The following ITGA6 variants were observed in gnomAD, a reference collection of about 807,000 sequenced individuals.
The protein encoded by ITGA6 is integrin subunit alpha 6.
Under a neutral mutation model 133.6 loss-of-function variants are expected in ITGA6, and 63 were observed. That is an observed-to-expected ratio of 0.47 (90% CI 0.38 to 0.58). The LOEUF (loss-of-function observed/expected upper bound fraction) is 0.58. ITGA6 is among the 20% of genes least tolerant of loss of function. ITGA6 has a pLI of 0.00. For synonymous variants in ITGA6, 434 were observed against 482.0 expected (o/e 0.90, Z 1.30); for missense variants, 1,068 against 1,309.4 (o/e 0.82, Z 2.85).
chr2:172,481,927 T>C (rs193300064), intron 11 of ITGA6, among the ~76,000 whole-genome samples: 16 of 152,318 alleles, frequency 1.1e-4, no homozygotes, highest in Non-Finnish European at 1.5e-5. Flanking sequence ...ACTTGGATAA[T>C]GGGCCCTTTG....
chr2:172,492,889 C>A (rs147655687), intron 23 of ITGA6, among the ~76,000 whole-genome samples: 2 of 152,118 alleles, frequency 1.3e-5, no homozygotes, highest in African/African-American at 4.8e-5. Flanking sequence ...GATTTATTAT[C>A]CAAGCAAGAA....
At chr2:172,489,353 A>AT in intron 19 of ITGA6, 132 bp from the exon 20 acceptor site, 1 of 739,540 alleles carries the variant, frequency 1.4e-6, no homozygotes, top group Non-Finnish European at 2.3e-6. Flanking sequence ...TCTATAGTCC[A>AT]TTTTTGGAGC....
At chr2:172,429,943 G>A (rs909044383) in intron 1 of ITGA6, among the ~76,000 whole-genome samples, 13 of 152,198 alleles carry the variant, frequency 8.5e-5, no homozygotes, top group African/African-American at 3.1e-4. Context: ...CAGGTCAGTT[G>A]TCAACCTTTG....
intron 1 of ITGA6, among the ~76,000 whole-genome samples, chr2:172,457,735 G>A (rs1164157412): frequency 6.6e-6 from 1 of 152,184 alleles, no homozygotes; most frequent in Admixed American, 6.5e-5. Context: ...AACAGCTGGG[G>A]AAAGGCATCC....
rs771508036 is a variant in ITGA6 at position 172,476,444 on chromosome 2, T to C, written c.1319T>C (p.Met440Thr). 4 of 1,613,140 alleles carry C rather than the reference T, an allele frequency of 2.5e-6. No homozygotes were observed. The highest frequency in any genetic ancestry group is 2.2e-5 in the South Asian group (2 of 91,068). The change falls in exon 9 of 26, where the codon ATG becomes ACG. Residue 440 changes from methionine (M) to threonine (T), a missense_variant. Transcript: ENST00000684293. ...TTTGGATATTCAATTGCTGGAAACATGGACCTTGATCGAAATTCCTACCCT... is the reference window on the plus strand; with the variant it reads ...TTTGGATATTCAATTGCTGGAAACACGGACCTTGATCGAAATTCCTACCCT... ...PYFGYSIAGN[M>T]DLDRNSYPDV...
chr2:172,456,579 A>C (rs1297374156), intron 1 of ITGA6, among the ~76,000 whole-genome samples: 3 of 152,174 alleles, frequency 2.0e-5, no homozygotes, highest in Non-Finnish European at 4.4e-5. Flanking sequence ...AGCCTAGCTA[A>C]GGCTAGAAGC....
intron 12 of ITGA6, 32 bp downstream of exon 12, chr2:172,484,974 T>G (rs778416134): frequency 3.9e-5 from 63 of 1,611,218 alleles, no homozygotes; most frequent in Admixed American, 5.0e-5. Context: ...ATCTGTTTTA[T>G]GAAGAGGACA....
At chr2:172,486,613 T>C (rs142844850) in intron 13 of ITGA6, among the ~76,000 whole-genome samples, 108 of 152,310 alleles carry the variant, frequency 7.1e-4, no homozygotes, top group African/African-American at 2.4e-3. Flanking sequence ...TCGAGTATTA[T>C]AATCGTTGGT....
intron 23 of ITGA6, among the ~76,000 whole-genome samples, chr2:172,493,550 G>A (rs1687008969): frequency 6.6e-6 from 1 of 151,974 alleles, no homozygotes; most frequent in Non-Finnish European, 1.5e-5. Context: ...AGAATGCCAA[G>A]GGTAAACATT....
At chr2:172,444,165 G>A (rs1684656377) in intron 1 of ITGA6, among the ~76,000 whole-genome samples, 1 of 152,178 alleles carries the variant, frequency 6.6e-6, no homozygotes, top group Non-Finnish European at 1.5e-5. Flanking sequence ...GCTAACGGGT[G>A]GTACTGCCAA....
intron 1 of ITGA6, among the ~76,000 whole-genome samples, chr2:172,439,885 T>G (rs1684471158): frequency 6.6e-6 from 1 of 152,200 alleles, no homozygotes; most frequent in Non-Finnish European, 1.5e-5. Flanking sequence ...GGAGTTAAAC[T>G]TGTGCCACAT....
rs766125663 is a variant in ITGA6, at chr2:172,475,045, G to A, written c.1103G>A (p.Arg368His). ...QGRWNNVKPIRLNGTKDSMFG... is the reference protein window; with the variant it reads ...QGRWNNVKPIHLNGTKDSMFG... ...AGATGGAATAATGTGAAGCCAATTCGTCTTAATGGAACCAAAGATTCTATG... is the reference window on the plus strand; with the variant it reads ...AGATGGAATAATGTGAAGCCAATTCATCTTAATGGAACCAAAGATTCTATG... The change falls in exon 7 of 26, where the codon CGT (arginine) becomes CAT (histidine). Residue 368 changes from arginine (R) to histidine (H), a missense_variant. By Grantham distance (29) the Arg-to-His change is conservative (BLOSUM62 0). Around this residue, in one of 3 missense-constraint regions of ITGA6, gnomAD observed 317 missense variants for 456.9 expected, o/e 0.69. Coordinates refer to ENST00000684293, the MANE Select transcript of ITGA6 (RefSeq NM_000210.4). The A allele has an allele frequency of 3.1e-5, 50 of 1,608,338 alleles. No individual in the cohort carries two copies. The highest frequency in any genetic ancestry group is 3.0e-5 in the Non-Finnish European group (35 of 1,174,714).
chr2:172,489,114 T>A (rs1213259822), intron 19 of ITGA6, among the ~76,000 whole-genome samples: 1 of 152,196 alleles, frequency 6.6e-6, no homozygotes, highest in Non-Finnish European at 1.5e-5. Flanking sequence ...GTTGGTACAC[T>A]GCCTTGGCCC....
At chr2:172,462,884 C>T (rs943833918) in intron 1 of ITGA6, among the ~76,000 whole-genome samples, 1 of 152,170 alleles carries the variant, frequency 6.6e-6, no homozygotes, top group East Asian at 1.9e-4. Flanking sequence ...CTTCTTGTCA[C>T]CCATTGTGTC....
At chr2:172,472,866 G>T in intron 5 of ITGA6, 1 of 1,606,364 alleles carries the variant, frequency 6.2e-7, no homozygotes, top group Non-Finnish European at 8.5e-7. Flanking sequence ...CACATTCCCT[G>T]ATGTGATGAT....
chr2:172,501,075 G>A (rs1168364882), intron 24 of ITGA6, among the ~76,000 whole-genome samples: 2 of 152,092 alleles, frequency 1.3e-5, no homozygotes, highest in East Asian at 3.9e-4. Flanking sequence ...CTCTATCACT[G>A]AACGAAGGAA....
At chr2:172,502,066 G>T (rs1687371919) in intron 25 of ITGA6, among the ~76,000 whole-genome samples, 165 bp downstream of exon 25, 1 of 152,064 alleles carries the variant, frequency 6.6e-6, no homozygotes, top group East Asian at 1.9e-4. Flanking sequence ...TCACTTGAAA[G>T]CTCAGTTTTT....
At chr2:172,429,575 C>T (rs1427783381) in intron 1 of ITGA6, among the ~76,000 whole-genome samples, 1 of 152,080 alleles carries the variant, frequency 6.6e-6, no homozygotes, top group African/African-American at 2.4e-5. Flanking sequence ...TGGAGATTTG[C>T]GAAACGTGAC....
intron 3 of ITGA6, 113 bp from the exon 4 acceptor site, chr2:172,469,012 C>G: frequency 8.6e-7 from 1 of 1,166,086 alleles, no homozygotes; most frequent in Non-Finnish European, 1.3e-6. Flanking sequence ...TGAGGACATG[C>G]TTAATCATCC....
Sources: gnomAD v4.1 joint callset for allele counts (sites outside exome capture counted in the v4.1 genomes callset) on GRCh38, gnomAD v4.1.1 for gene constraint, gnomAD v4.1.1 regional missense constraint, MANE v1.5 for transcripts, NCBI Gene and HGNC (gene_info 2026-07-23, HGNC 2026-07-21) for gene names.